Variants in SEMA3D observed in about 807,000 individuals in gnomAD.
SEMA3D encodes the protein semaphorin 3D.
In SEMA3D, 84 loss-of-function variants were observed where a neutral mutation model predicts 100.1. The observed-to-expected ratio is 0.84, with a 90% CI of 0.70 to 1.01. The LOEUF (loss-of-function observed/expected upper bound fraction) is 1.01. Among genes scored for constraint, SEMA3D ranks in the 50% least tolerant of loss-of-function variants. SEMA3D has a pLI of 0.00. For missense variants in SEMA3D, 875 were observed against 934.1 expected (o/e 0.94, Z 0.82); for synonymous variants, 312 against 320.7 (o/e 0.97, Z 0.29).
chr7:85,052,185 A>G (rs1791185177), intron 9 of SEMA3D, among the ~76,000 whole-genome samples: 1 of 151,982 alleles, frequency 6.6e-6, no homozygotes, highest in Non-Finnish European at 1.5e-5. Context: ...TCTTTAGGGA[A>G]CAACCTAACA....
chr7:85,236,355 TGGAGTGCAGTGGCATG>T, the SEMA3D span, among the ~76,000 whole-genome samples: 1 of 151,562 alleles, frequency 6.6e-6, no homozygotes, highest in Non-Finnish European at 1.5e-5. Context: ...TTGCCCAGGC[TGGAGTGCAGTGGCATG>T]ATCTCGGCTC....
At chr7:85,014,949 C>T in intron 16 of SEMA3D, 110 bp downstream of exon 16, 2 of 716,138 alleles carry the variant, frequency 2.8e-6, no homozygotes, top group South Asian at 2.9e-5. Flanking sequence ...TTCCATAGGA[C>T]ATGTTAGTAA....
chr7:85,051,388 A>T (rs1791160879), intron 9 of SEMA3D, among the ~76,000 whole-genome samples: 1 of 151,926 alleles, frequency 6.6e-6, no homozygotes, highest in Non-Finnish European at 1.5e-5. Context: ...ATTTTTGACA[A>T]CTGCTTTCTT....
intron 11 of SEMA3D, 84 bp from the exon 12 acceptor site, chr7:85,037,117 G>T: frequency 1.5e-6 from 2 of 1,366,560 alleles, no homozygotes; most frequent in Non-Finnish European, 2.0e-6. Context: ...AGCAGGTGCT[G>T]TGGACAAAAT....
chr7:85,052,379 T>A (rs1216561140), intron 9 of SEMA3D, among the ~76,000 whole-genome samples: 1 of 151,806 alleles, frequency 6.6e-6, no homozygotes, highest in Non-Finnish European at 1.5e-5. Context: ...CACTCTAATC[T>A]CAAAAGTCAT....
At chr7:85,190,976 T>A (rs1791682625), upstream of SEMA3D, among the ~76,000 whole-genome samples, 1 of 151,918 alleles carries the variant, frequency 6.6e-6, no homozygotes, top group Non-Finnish European at 1.5e-5. Flanking sequence ...TGTAGAATAT[T>A]TCACCCTGCT....
chr7:85,007,952 A>G (rs553085518), intron 17 of SEMA3D, among the ~76,000 whole-genome samples: 1 of 151,936 alleles, frequency 6.6e-6, no homozygotes, highest in Admixed American at 6.6e-5. Context: ...GTGTTTTATC[A>G]GCAAGGATTA....
chr7:85,004,069 T>A (rs1170528058), intron 18 of SEMA3D, among the ~76,000 whole-genome samples: 1 of 152,002 alleles, frequency 6.6e-6, no homozygotes, highest in East Asian at 1.9e-4. Context: ...AGGAACATGA[T>A]CTAGTGAGAG....
chr7:85,243,539 T>C, the SEMA3D span, among the ~76,000 whole-genome samples: 4 of 152,214 alleles, frequency 2.6e-5, no homozygotes, highest in Admixed American at 6.5e-5. Flanking sequence ...AAGTTTGCCC[T>C]ATGACTTCAT....
intron 12 of SEMA3D, among the ~76,000 whole-genome samples, chr7:85,034,907 T>C (rs1054120670): frequency 1.3e-5 from 2 of 152,118 alleles, no homozygotes; most frequent in Non-Finnish European, 2.9e-5. Flanking sequence ...GAAAACAGTG[T>C]GGCAGTTCCT....
chr7:85,065,327 A>C, intron 8 of SEMA3D, 97 bp downstream of exon 8: 1 of 1,128,444 alleles, frequency 8.9e-7, no homozygotes, highest in East Asian at 2.5e-5. Context: ...AGCTAAATTA[A>C]TTATTCCAAA....
chr7:85,034,716 A>T (rs1790644466), intron 12 of SEMA3D, among the ~76,000 whole-genome samples: 1 of 152,138 alleles, frequency 6.6e-6, no homozygotes, highest in Non-Finnish European at 1.5e-5. Flanking sequence ...CATGAAAATT[A>T]TTCATCACTA....
upstream of SEMA3D, among the ~76,000 whole-genome samples, chr7:85,191,397 AT>A (rs1791691993): frequency 6.6e-6 from 1 of 152,056 alleles, no homozygotes; most frequent in African/African-American, 2.4e-5. Context: ...AATATAAAAA[AT>A]CATCTTTAAG....
chr7:85,165,575 CTTTA>C (rs1790883114), intron 1 of SEMA3D, among the ~76,000 whole-genome samples: 1 of 152,088 alleles, frequency 6.6e-6, no homozygotes, highest in Non-Finnish European at 1.5e-5. Flanking sequence ...AGGCCAGTCA[CTTTA>C]TTTGAGTTTA....
the SEMA3D span, among the ~76,000 whole-genome samples, chr7:85,245,392 C>T: frequency 6.6e-6 from 1 of 152,118 alleles, no homozygotes; most frequent in Non-Finnish European, 1.5e-5. Flanking sequence ...TTAAGCATAG[C>T]ACAGTATTCA....
rs757482603 is a variant in SEMA3D at position 85,097,865 on chromosome 7, C to A, written c.252G>T (p.Leu84Phe). The A allele has an allele frequency of 1.2e-6, 2 of 1,609,018 alleles. No individual in the cohort carries two copies. Among genetic ancestry groups the A allele is most frequent in the East Asian group, 4.5e-5 (2 of 44,760 alleles). ...LLDEERGRLL[L>F]GAKDHIFLLS... is the part of the protein sequence containing the mutation. The stretch of plus-strand genomic sequence containing the variant: ...GTAGAAAGATGTGGTCTTTGGCTCC[C>A]AAGAGCAGCCTGCCTCTTTCCTCAT... The change falls in exon 4 of 19, where the codon TTG becomes TTT. Residue 84 changes from leucine (L) to phenylalanine (F), a missense_variant. Physicochemically the swap from Leu to Phe is conservative, Grantham distance 22 (BLOSUM62 0). Coordinates refer to ENST00000284136, the MANE Select transcript of SEMA3D (RefSeq NM_001384900.1).
chr7:85,147,556 C>A (rs6945005), intron 2 of SEMA3D, among the ~76,000 whole-genome samples: 83,708 of 151,872 alleles, frequency 0.55, 24,143 homozygotes, highest in African/African-American at 0.73. Context: ...ACCAGTAATG[C>A]AAAATACAAT....
chr7:85,017,737 C>G (rs1486632325), intron 15 of SEMA3D, among the ~76,000 whole-genome samples: 2 of 151,758 alleles, frequency 1.3e-5, no homozygotes, highest in African/African-American at 2.4e-5. Context: ...TGTGCCTGCT[C>G]TCTGTTTAGA....
intron 3 of SEMA3D, among the ~76,000 whole-genome samples, chr7:85,108,195 A>G (rs1260674249): frequency 6.6e-6 from 1 of 152,084 alleles, no homozygotes; most frequent in Non-Finnish European, 1.5e-5. Flanking sequence ...CCTTGAAGAT[A>G]AAAATAATGT....
Sources: gnomAD v4.1 joint callset for allele counts (sites outside exome capture counted in the v4.1 genomes callset) on GRCh38, gnomAD v4.1.1 for gene constraint, MANE v1.5 for transcripts, NCBI Gene and HGNC (gene_info 2026-07-23, HGNC 2026-07-21) for gene names.